GAPVD1: variants seen among roughly 807,000 people sequenced by gnomAD.
GAPVD1 encodes GTPase activating protein and VPS9 domains 1.
A neutral mutation model predicts 155.5 loss-of-function variants in GAPVD1; 35 were observed. The observed-to-expected ratio is 0.23, with a 90% CI of 0.17 to 0.30. The LOEUF is 0.30. Among genes scored for constraint, GAPVD1 ranks in the 10% least tolerant of loss-of-function variants. The pLI is 1.00. For synonymous variants in GAPVD1, 636 were observed against 619.7 expected, an observed-to-expected ratio of 1.03 and a Z score of -0.39; for missense variants, 1,429 against 1,775.7, an observed-to-expected ratio of 0.80 and a Z score of 3.51.
chr9:125,355,506 A>T (rs1849940909), intron 24 of GAPVD1, 138 bp from the exon 25 acceptor site: 11 of 597,244 alleles, frequency 1.8e-5, no homozygotes, highest in Non-Finnish European at 3.2e-5. Context: ...CCTAAAATAA[A>T]CTACACTGAA....
At chr9:125,294,317 A>G (rs983217569) in intron 2 of GAPVD1, among the ~76,000 whole-genome samples, 7 of 150,022 alleles carry the variant, frequency 4.7e-5, no homozygotes, top group African/African-American at 1.7e-4. Flanking sequence ...CTGGGATTAC[A>G]GGCATGAGCC....
At chr9:125,297,381 T>C (rs1840052385) in intron 3 of GAPVD1, among the ~76,000 whole-genome samples, 1 of 152,334 alleles carries the variant, frequency 6.6e-6, no homozygotes, top group Non-Finnish European at 1.5e-5. Context: ...GGCAGTGCTT[T>C]TTTAAAAGGC....
At chr9:125,301,351 G>T (rs145310732) in intron 4 of GAPVD1, among the ~76,000 whole-genome samples, 183 of 152,222 alleles carry the variant, frequency 1.2e-3, no homozygotes, top group African/African-American at 4.0e-3. Flanking sequence ...TTACAGGTGT[G>T]AGCCACTGTG....
rs572882099 is a variant in GAPVD1 at position 125,272,848 on chromosome 9, G to A, written c.-150+3864G>A. Among the ~76,000 whole-genome samples the A allele has an allele frequency of 3.9e-5, 6 of 152,232 alleles. No homozygotes were observed. In the South Asian group the frequency reaches 1.2e-3, roughly 32 times the overall value. ...TCTGTTTACATTCTTTAATTTTGAG[G>A]GTGGACTCTTGGATCTTGAAACAGG... On this transcript the variant is annotated intron_variant, in intron 2 of 27. Transcript: ENST00000297933.
chr9:125,336,852 A>G lies in GAPVD1; in HGVS notation c.2429-166A>G, dbSNP rs1847092972. On this transcript the variant is annotated intron_variant, in intron 15 of 27. Coordinates refer to ENST00000297933, the MANE Select transcript of GAPVD1 (RefSeq NM_001282680.3). Reference sequence around the variant, plus strand: ...TATGAAGATACTCATAAAAACAGAAAATGAATTGGAAGTAATCATAATTTG... The same window carrying G: ...TATGAAGATACTCATAAAAACAGAAGATGAATTGGAAGTAATCATAATTTG... 1.0e-5 allele frequency: 6 copies of G among 587,426 alleles called. No homozygotes were observed. In the East Asian group the frequency reaches 1.7e-4, roughly 17 times the overall value. The allele number at this position is 587,426 out of a possible 1,614,324, so 36.4% of individuals were successfully genotyped here.
In GAPVD1 at chr9:125,366,475, A is replaced by G. The variant is rs1851475692; in HGVS notation, c.*3729A>G. On this transcript the variant is annotated 3_prime_UTR_variant, in exon 28 of 28. Coordinates refer to ENST00000297933, the MANE Select transcript of GAPVD1 (RefSeq NM_001282680.3). ...AAGTGTAGTGGGGTTCACTTCCTCAATTGGTGCTTCCTAGATTTTTCTCTC... is the reference window on the plus strand; with the variant it reads ...AAGTGTAGTGGGGTTCACTTCCTCAGTTGGTGCTTCCTAGATTTTTCTCTC... 1.3e-5 allele frequency: 2 copies of G among 152,220 alleles called. No individual in the cohort carries two copies. Among genetic ancestry groups the G allele is most frequent in the African/African-American group, 4.8e-5 (2 of 41,460 alleles). 9.4% of individuals were successfully genotyped at this position (152,220 alleles called of 1,614,324 possible). A position where few individuals can be genotyped will look rare whatever the true frequency, so the allele number is the denominator to read the frequency against.
chr9:125,283,028 T>TTATTTA (rs1554753036), intron 2 of GAPVD1, among the ~76,000 whole-genome samples: 2 of 143,324 alleles, frequency 1.4e-5, no homozygotes, highest in Admixed American at 7.1e-5. Context: ...TTATTTTTAT[T>TTATTTA]TTTATTTATT....
intron 1 of GAPVD1, chr9:125,264,188 G>T (rs1833445135): frequency 6.3e-6 from 4 of 630,402 alleles, no homozygotes; most frequent in Admixed American, 2.4e-5. Context: ...TGGGATCAGG[G>T]TAGTCTTTTG....
At chr9:125,353,545 C>G (rs1451519140) in intron 23 of GAPVD1, among the ~76,000 whole-genome samples, 1 of 152,126 alleles carries the variant, frequency 6.6e-6, no homozygotes, top group Non-Finnish European at 1.5e-5. Context: ...CTGTATTTGT[C>G]TGTTATTATG....
intron 2 of GAPVD1, among the ~76,000 whole-genome samples, chr9:125,273,025 G>A (rs150157815): frequency 6.6e-6 from 1 of 152,274 alleles, no homozygotes; most frequent in African/African-American, 2.4e-5. Flanking sequence ...TGGGGGTTGT[G>A]AAAACTTCCT....
intron 5 of GAPVD1, 98 bp downstream of exon 5, chr9:125,302,924 A>G: frequency 2.8e-6 from 4 of 1,405,132 alleles, no homozygotes; most frequent in Non-Finnish European, 3.8e-6. Context: ...CAGTATTTGT[A>G]TATTCTTACA....
At chr9:125,285,461 T>G (rs970479788) in intron 2 of GAPVD1, among the ~76,000 whole-genome samples, 9 of 145,346 alleles carry the variant, frequency 6.2e-5, no homozygotes, top group Non-Finnish European at 1.2e-4. Flanking sequence ...TTGTTTTTTT[T>G]TTTTTTTTTT....
At chr9:125,306,758 G>T (rs544500030) in intron 6 of GAPVD1, among the ~76,000 whole-genome samples, 1 of 152,346 alleles carries the variant, frequency 6.6e-6, no homozygotes, top group South Asian at 2.1e-4. Context: ...CTCCCAAAGT[G>T]CTGGGATTGC....
rs562697185 is a variant in GAPVD1, at chr9:125,285,811, A to G, written c.-149-9647A>G. ...ATGGTAATGCTGTTGAACTTATTTTATTTTATTTATTTTTTGAGACAGGGT... is the reference window on the plus strand; with the variant it reads ...ATGGTAATGCTGTTGAACTTATTTTGTTTTATTTATTTTTTGAGACAGGGT... On this transcript the variant is annotated intron_variant, in intron 2 of 27. Coordinates refer to ENST00000297933, the MANE Select transcript of GAPVD1 (RefSeq NM_001282680.3). Among the ~76,000 whole-genome samples the G allele has an allele frequency of 4.0e-5, 6 of 151,312 alleles. No individual in the cohort carries two copies. In the East Asian group the frequency reaches 1.2e-3, roughly 30 times the overall value.
At chr9:125,337,964 C>T (rs1330173882) in intron 17 of GAPVD1, among the ~76,000 whole-genome samples, 1 of 152,206 alleles carries the variant, frequency 6.6e-6, no homozygotes, top group Non-Finnish European at 1.5e-5. Context: ...CTACCTCCGC[C>T]TCCCAGGTTC....
At chr9:125,292,184 C>G (rs905029636) in intron 2 of GAPVD1, among the ~76,000 whole-genome samples, 1 of 152,062 alleles carries the variant, frequency 6.6e-6, no homozygotes, top group Non-Finnish European at 1.5e-5. Context: ...CTGCAGTGAG[C>G]CATGATACCG....
intron 2 of GAPVD1, among the ~76,000 whole-genome samples, chr9:125,269,710 CTTTTTTTTTTT>C (rs951306489): frequency 9.5e-5 from 5 of 52,688 alleles, no homozygotes; most frequent in African/African-American, 2.8e-4. Context: ...CCATGCCTGG[CTTTTTTTTTTT>C]TTTTTTTTTT....
At chr9:125,331,216 T>G (rs765646867) in intron 13 of GAPVD1, among the ~76,000 whole-genome samples, 29 of 152,094 alleles carry the variant, frequency 1.9e-4, no homozygotes, top group Non-Finnish European at 1.9e-4. Context: ...TTTTTTTTTT[T>G]TTGAGATGGA....
rs559459080 is a variant in GAPVD1 at position 125,284,380 on chromosome 9, A to G, written c.-149-11078A>G. ...TTTTTAGTAGAGATGGGATTTCACC[A>G]TGCTGGCCAGGGTGGTCTCGATCTC... On this transcript the variant is annotated intron_variant, in intron 2 of 27. Coordinates refer to ENST00000297933, the MANE Select transcript of GAPVD1 (RefSeq NM_001282680.3). Among the ~76,000 whole-genome samples the G allele has an allele frequency of 2.7e-4, 41 of 150,318 alleles. No individual in the cohort carries two copies. In the East Asian group the frequency reaches 5.9e-3, roughly 22 times the overall value.
Sources: gnomAD v4.1 joint callset for allele counts (sites outside exome capture counted in the v4.1 genomes callset) on GRCh38, gnomAD v4.1.1 for gene constraint, MANE v1.5 for transcripts, NCBI Gene and HGNC (gene_info 2026-07-23, HGNC 2026-07-21) for gene names.